The following SASH1 variants were observed in gnomAD, a reference collection of about 807,000 sequenced individuals.
The protein encoded by SASH1 is SAM and SH3 domain-containing protein 1.
In SASH1, 44 loss-of-function variants were observed where a neutral mutation model predicts 125.2. The observed-to-expected ratio is 0.35, with a 90% CI of 0.28 to 0.45. The LOEUF (loss-of-function observed/expected upper bound fraction) is 0.45, where lower values mean the gene tolerates loss of function less well. SASH1 is among the 20% of genes least tolerant of loss of function. The pLI is 1.00. For synonymous variants in SASH1, 639 were observed against 649.1 expected, an observed-to-expected ratio of 0.98 and a Z score of 0.24; for missense variants, 1,426 against 1,614.5, an observed-to-expected ratio of 0.88 and a Z score of 2.00.
intron 1 of SASH1, among the ~76,000 whole-genome samples, chr6:148,311,089 CT>C (rs1208661398): frequency 6.7e-5 from 10 of 149,414 alleles, no homozygotes; most frequent in Admixed American, 3.4e-4. Flanking sequence ...TTCTTTTTTT[CT>C]TTTCTTTTTT....
chr6:148,321,101 G>A (rs1582961296), intron 1 of SASH1, among the ~76,000 whole-genome samples: 2 of 152,142 alleles, frequency 1.3e-5, no homozygotes, highest in Admixed American at 6.6e-5. Flanking sequence ...TACCATTGAA[G>A]GTAATGGCAG....
At chr6:148,367,739 G>T (rs931099365) in intron 1 of SASH1, among the ~76,000 whole-genome samples, 6 of 152,248 alleles carry the variant, frequency 3.9e-5, no homozygotes, top group African/African-American at 1.2e-4. Context: ...GGACGGAGCT[G>T]CTGCCCCCAT....
chr6:148,286,139 T>C (rs1779476299), intron 1 of SASH1, among the ~76,000 whole-genome samples: 1 of 152,106 alleles, frequency 6.6e-6, no homozygotes, highest in Non-Finnish European at 1.5e-5. Context: ...AGCTGATTCA[T>C]GGACCCTCCA....
chr6:148,482,969 G>A (rs1238545994), intron 7 of SASH1, among the ~76,000 whole-genome samples: 4 of 152,098 alleles, frequency 2.6e-5, no homozygotes, highest in South Asian at 2.1e-4. Context: ...GATTACAGGC[G>A]TGAGCCACCG....
chr6:148,396,912 T>C (rs533570810), intron 2 of SASH1, among the ~76,000 whole-genome samples: 8 of 152,332 alleles, frequency 5.3e-5, no homozygotes, highest in African/African-American at 1.7e-4. Flanking sequence ...CATAAGTGAC[T>C]GTAACTGTTG....
chr6:148,516,662 T>C (rs550934408), intron 9 of SASH1, among the ~76,000 whole-genome samples: 1 of 152,258 alleles, frequency 6.6e-6, no homozygotes, highest in African/African-American at 2.4e-5. Context: ...TTCTCTTTAA[T>C]GTCATCCTCA....
chr6:148,375,149 C>G (rs1250292642), intron 1 of SASH1, among the ~76,000 whole-genome samples: 2 of 151,412 alleles, frequency 1.3e-5, no homozygotes, highest in African/African-American at 4.8e-5. Flanking sequence ...CACCGCCACA[C>G]ACATCTAATT....
chr6:148,301,586 C>G (rs1779946783), intron 1 of SASH1, among the ~76,000 whole-genome samples: 1 of 145,468 alleles, frequency 6.9e-6, no homozygotes, highest in African/African-American at 2.5e-5. Context: ...CTTTTCTTTT[C>G]TTTTCTTTTT....
chr6:148,407,008 G>C (rs908329936), intron 2 of SASH1, among the ~76,000 whole-genome samples: 1 of 152,192 alleles, frequency 6.6e-6, no homozygotes, highest in Non-Finnish European at 1.5e-5. Flanking sequence ...GAGGAGGGTG[G>C]AACTTTTTAA....
chr6:148,488,763 A>T (rs1472830801), intron 8 of SASH1, among the ~76,000 whole-genome samples: 1 of 152,142 alleles, frequency 6.6e-6, no homozygotes, highest in Non-Finnish European at 1.5e-5. Context: ...TTCATTGGCC[A>T]TTTGTGTATC....
chr6:148,352,665 G>C (rs566360889), intron 1 of SASH1, among the ~76,000 whole-genome samples: 1 of 151,842 alleles, frequency 6.6e-6, no homozygotes, highest in South Asian at 2.1e-4. Context: ...GACATACGAT[G>C]AGCAGTTCAT....
chr6:148,371,908 GT>G (rs753437038), intron 1 of SASH1, among the ~76,000 whole-genome samples: 3 of 152,096 alleles, frequency 2.0e-5, no homozygotes, highest in Non-Finnish European at 2.9e-5. Flanking sequence ...ATTCTGGGAT[GT>G]TTACTATCAG....
chr6:148,415,807 G>T (rs1001706171), intron 2 of SASH1, among the ~76,000 whole-genome samples: 1 of 152,204 alleles, frequency 6.6e-6, no homozygotes, highest in Non-Finnish European at 1.5e-5. Flanking sequence ...GAAACTACCC[G>T]CAAACCTCTT....
At chr6:148,361,859 G>A (rs914914610) in intron 1 of SASH1, among the ~76,000 whole-genome samples, 1 of 151,952 alleles carries the variant, frequency 6.6e-6, no homozygotes, top group Non-Finnish European at 1.5e-5. Context: ...CAGAGACAGA[G>A]GGAAGCACGG....
intron 1 of SASH1, among the ~76,000 whole-genome samples, chr6:148,298,182 CT>C (rs34644546): frequency 1.3e-5 from 2 of 151,388 alleles, no homozygotes; most frequent in African/African-American, 2.4e-5. Flanking sequence ...AATTTTTGTA[CT>C]TTTTTTTCCA....
the SASH1 span, among the ~76,000 whole-genome samples, chr6:148,202,026 C>T: frequency 5.9e-5 from 9 of 152,170 alleles, no homozygotes; most frequent in East Asian, 1.9e-4. Context: ...TAGCCCCCAC[C>T]GAGTCACCCA....
At chr6:148,212,985 G>A in the SASH1 span, among the ~76,000 whole-genome samples, 2 of 152,112 alleles carry the variant, frequency 1.3e-5, no homozygotes, top group African/African-American at 4.8e-5. Flanking sequence ...AGCTTCTCCT[G>A]GTAAGAACAA....
intron 1 of SASH1, among the ~76,000 whole-genome samples, chr6:148,386,203 C>G (rs888939553): frequency 2.0e-5 from 3 of 152,142 alleles, no homozygotes; most frequent in East Asian, 1.9e-4. Context: ...GAAGTGATCT[C>G]TGTTGTGAGG....
chr6:148,354,147 G>A (rs1781839493), intron 1 of SASH1, among the ~76,000 whole-genome samples: 2 of 151,912 alleles, frequency 1.3e-5, no homozygotes, highest in South Asian at 4.2e-4. Context: ...CCTGGGTGAT[G>A]GAGCAAGACA....
Sources: gnomAD v4.1 joint callset for allele counts (sites outside exome capture counted in the v4.1 genomes callset) on GRCh38, gnomAD v4.1.1 for gene constraint, MANE v1.5 for transcripts, NCBI Gene and HGNC (gene_info 2026-07-23, HGNC 2026-07-21) for gene names.